Variants in CFAP61 observed in about 807,000 individuals in gnomAD.
CFAP61 encodes the protein cilia and flagella associated protein 61, also known as cilia- and flagella-associated protein 61.
Under a neutral mutation model 135.6 loss-of-function variants are expected in CFAP61, and 107 were observed. The ratio of observed to expected loss-of-function variants is 0.79; its 90% CI spans 0.67 to 0.93. CFAP61 has a LOEUF of 0.93. Among genes scored for constraint, CFAP61 ranks in the 40% least tolerant of loss-of-function variants. The pLI is 0.00. For missense variants in CFAP61, 1,507 were observed against 1,556.2 expected (o/e 0.97, Z 0.53); for synonymous variants, 575 against 578.5 (o/e 0.99, Z 0.09).
intron 25 of CFAP61, among the ~76,000 whole-genome samples, chr20:20,304,456 C>T (rs2056330537): frequency 6.6e-6 from 1 of 151,918 alleles, no homozygotes; most frequent in Non-Finnish European, 1.5e-5. Context: ...TTCCTTTCCC[C>T]AATCTTCCCC....
intron 21 of CFAP61, among the ~76,000 whole-genome samples, chr20:20,272,144 T>A (rs1341472842): frequency 6.6e-6 from 1 of 152,228 alleles, no homozygotes; most frequent in Non-Finnish European, 1.5e-5. Context: ...TCCGGCTTAT[T>A]AAAAGCATGC....
At chr20:20,191,578 G>A (rs562976407) in intron 15 of CFAP61, among the ~76,000 whole-genome samples, 159 bp downstream of exon 15, 18 of 152,040 alleles carry the variant, frequency 1.2e-4, no homozygotes, top group Non-Finnish European at 1.9e-4. Flanking sequence ...CCACTTGAAG[G>A]ACTTGCAATT....
chr20:20,163,102 T>C (rs937110998), intron 10 of CFAP61, among the ~76,000 whole-genome samples: 1 of 152,220 alleles, frequency 6.6e-6, no homozygotes, highest in African/African-American at 2.4e-5. Context: ...AAAGTTCTGT[T>C]CAATGGGGGT....
chr20:20,326,586 C>CT (rs2057755851), intron 25 of CFAP61, among the ~76,000 whole-genome samples: 1 of 152,142 alleles, frequency 6.6e-6, no homozygotes, highest in Admixed American at 6.5e-5. Context: ...CCCAACAACT[C>CT]TTTCTAAATA....
chr20:20,195,077 T>A (rs2056193665), intron 15 of CFAP61, among the ~76,000 whole-genome samples: 7 of 152,190 alleles, frequency 4.6e-5, no homozygotes, highest in Admixed American at 4.6e-4. Flanking sequence ...AAAAGTCTTA[T>A]AGTATAAAGG....
At chr20:20,088,312 A>G (rs1394992314) in intron 6 of CFAP61, among the ~76,000 whole-genome samples, 1 of 152,136 alleles carries the variant, frequency 6.6e-6, no homozygotes, top group Non-Finnish European at 1.5e-5. Flanking sequence ...ACACTACTAT[A>G]AGGACATACC....
At chr20:20,295,375 G>A (rs774946802) in intron 24 of CFAP61, among the ~76,000 whole-genome samples, 1 of 152,150 alleles carries the variant, frequency 6.6e-6, no homozygotes, top group Non-Finnish European at 1.5e-5. Flanking sequence ...AAAGGAGGAG[G>A]AGGCCTGGGG....
intron 24 of CFAP61, among the ~76,000 whole-genome samples, chr20:20,296,084 T>TTCTC (rs2147076928): frequency 8.8e-5 from 2 of 22,800 alleles, no homozygotes; most frequent in Non-Finnish European, 2.0e-4. Flanking sequence ...CTCCTTTTCT[T>TTCTC]CCTTCTTTCC....
chr20:20,287,998 G>C (rs996302605), intron 22 of CFAP61, among the ~76,000 whole-genome samples: 4 of 152,170 alleles, frequency 2.6e-5, no homozygotes, highest in African/African-American at 4.8e-5. Context: ...CATATGGTAG[G>C]TATGCCATCA....
chr20:20,253,885 G>A lies in CFAP61; in HGVS notation c.2328+2122G>A, dbSNP rs900044419. On this transcript the variant is annotated intron_variant, in intron 20 of 26. Transcript: ENST00000245957. The stretch of plus-strand genomic sequence containing the variant: ...TTACATTTCTAACAAGCTCCCGGGT[G>A]AGGCCAGTGCTGCCAGTGAATGAAC... 5 of 173,010 alleles carry A rather than the reference G, an allele frequency of 2.9e-5. No individual in the cohort carries two copies. The South Asian group carries it at 6.1e-4, about 21-fold the overall frequency. The allele number at this position is 173,010 out of a possible 1,614,324, so 10.7% of individuals were successfully genotyped here.
chr20:20,075,544 T>C lies in CFAP61; in HGVS notation c.495T>C (p.Tyr165=), dbSNP rs1308274499. ...TGGGGAACATCCCGTGTCTGACGTA[T>C]GAGGAAGACTTTGCAGTGCATATAT... ...DQVGNIPCLT[Y]EEDFAVHICH... is the part of the protein sequence containing the mutation. The change falls in exon 6 of 27, where the codon TAT becomes TAC. Residue 165 remains tyrosine, a synonymous_variant. Transcript: ENST00000245957. 1 of 1,614,168 alleles carries C rather than the reference T, an allele frequency of 6.2e-7. No homozygotes were observed. The highest frequency in any genetic ancestry group is 1.7e-5 in the Admixed American group (1 of 60,030).
rs1053380580 is a variant in CFAP61 at position 20,359,428 on chromosome 20, G to T, written c.3514-782G>T. On this transcript the variant is annotated intron_variant, in intron 26 of 26. Transcript: ENST00000245957. The surrounding 1 kb of genome is among the most constrained non-coding windows in gnomAD (Gnocchi z 4.0). ...GCCTGTAATCCCAGCACTTTGGGAGGCCGAGGTGGGCAGATCACCTGAGGT... is the reference window on the plus strand; with the variant it reads ...GCCTGTAATCCCAGCACTTTGGGAGTCCGAGGTGGGCAGATCACCTGAGGT... Among the ~76,000 whole-genome samples, 3 of 152,072 alleles carry T rather than the reference G, an allele frequency of 2.0e-5. No individual in the cohort carries two copies. The highest frequency in any genetic ancestry group is 4.4e-5 in the Non-Finnish European group (3 of 68,014).
intron 24 of CFAP61, among the ~76,000 whole-genome samples, chr20:20,290,836 T>A (rs966418711): frequency 6.6e-6 from 1 of 152,206 alleles, no homozygotes; most frequent in Non-Finnish European, 1.5e-5. Flanking sequence ...GCAGCCTCCT[T>A]CATGCCTTCA....
At chr20:20,358,922 C>G (rs797009378) in intron 26 of CFAP61, among the ~76,000 whole-genome samples, 6 of 152,318 alleles carry the variant, frequency 3.9e-5, no homozygotes, top group African/African-American at 1.4e-4. Flanking sequence ...GACTCTTGAT[C>G]TAGGGTGATG....
chr20:20,323,930 A>AT (rs1192974066), intron 25 of CFAP61, among the ~76,000 whole-genome samples: 1 of 152,074 alleles, frequency 6.6e-6, no homozygotes, highest in African/African-American at 2.4e-5. Context: ...TTGAGATTCT[A>AT]TTTTAATGGC....
At chr20:20,187,545 G>C (rs1004157947) in intron 13 of CFAP61, among the ~76,000 whole-genome samples, 14 of 152,168 alleles carry the variant, frequency 9.2e-5, no homozygotes, top group African/African-American at 1.9e-4. Context: ...GCACTGTGCT[G>C]CTCCCTGGGT....
intron 25 of CFAP61, among the ~76,000 whole-genome samples, chr20:20,303,584 T>G (rs1017296472): frequency 6.6e-6 from 1 of 152,036 alleles, no homozygotes; most frequent in Non-Finnish European, 1.5e-5. Context: ...TAGTGCTAAT[T>G]TTTGCGCCAG....
chr20:20,301,957 G>A (rs2056137510), intron 25 of CFAP61, among the ~76,000 whole-genome samples: 1 of 152,136 alleles, frequency 6.6e-6, no homozygotes, highest in Non-Finnish European at 1.5e-5. Context: ...GATAGGAAAT[G>A]CATTAAATCT....
chr20:20,295,263 T>C (rs1283535027), intron 24 of CFAP61, among the ~76,000 whole-genome samples: 5 of 152,190 alleles, frequency 3.3e-5, no homozygotes, highest in African/African-American at 1.2e-4. Flanking sequence ...TTAGTGAGAC[T>C]CTTGGCAAAG....
Sources: gnomAD v4.1 joint callset for allele counts (sites outside exome capture counted in the v4.1 genomes callset) on GRCh38, gnomAD v4.1.1 for gene constraint, Gnocchi (gnomAD v3.1) non-coding constraint, MANE v1.5 for transcripts, NCBI Gene and HGNC (gene_info 2026-07-23, HGNC 2026-07-21) for gene names.